ABCB1: variants seen among roughly 807,000 people sequenced by gnomAD.
ABCB1 encodes the protein ATP binding cassette subfamily B member 1, also known as ATP-dependent translocase ABCB1.
ABCB1 carries 69 observed loss-of-function variants against 142.0 expected under a neutral mutation model. The observed-to-expected ratio is 0.49, with a 90% CI of 0.40 to 0.59. ABCB1 has a LOEUF of 0.59. Among genes scored for constraint, ABCB1 ranks in the 20% least tolerant of loss-of-function variants. The pLI is 0.00. For synonymous variants in ABCB1, 532 were observed against 539.2 expected (o/e 0.99, Z 0.18); for missense variants, 1,326 against 1,554.7 (o/e 0.85, Z 2.47).
chr7:87,595,170 CT>C (rs1279484298), intron 3 of ABCB1, among the ~76,000 whole-genome samples: 1 of 152,108 alleles, frequency 6.6e-6, no homozygotes, highest in East Asian at 1.9e-4. Flanking sequence ...AAAAAAACCA[CT>C]GTGCAACCAG....
At position 87,693,695 on chromosome 7, in the gene ABCB1, T is replaced by A. The variant is rs575838428; in HGVS notation, c.-331+19466A>T. Among the ~76,000 whole-genome samples, 92 of 152,334 alleles carry A rather than the reference T, an allele frequency of 6.0e-4. 1 individual carries two copies. The highest frequency in any genetic ancestry group is 2.2e-3 in the African/African-American group (91 of 41,584). The stretch of plus-strand genomic sequence containing the variant: ...CTTACAGACACCTTAGCCTCTCCAA[T>A]ACAATAAGCTACAAGGAACTAGCTT... On this transcript the variant is annotated intron_variant, in intron 1 of 28. Coordinates refer to the ABCB1 transcript ENST00000265724.
intron 1 of ABCB1, chr7:87,710,733 A>G: frequency 1.4e-6 from 1 of 732,900 alleles, no homozygotes; most frequent in Non-Finnish European, 2.2e-6. Context: ...TAGGATGAAG[A>G]ATCAATTTCT....
At chr7:87,612,884 A>C (rs1819901578) in intron 1 of ABCB1, among the ~76,000 whole-genome samples, 2 of 151,944 alleles carry the variant, frequency 1.3e-5, no homozygotes, top group Non-Finnish European at 1.5e-5. Flanking sequence ...TGATTTTTCT[A>C]ATCTGTGAGC....
At chr7:87,620,285 G>A (rs1006529601) in intron 1 of ABCB1, among the ~76,000 whole-genome samples, 3 of 151,868 alleles carry the variant, frequency 2.0e-5, no homozygotes, top group Non-Finnish European at 4.4e-5. Flanking sequence ...TCACCCTCCT[G>A]AGTAGCTGGG....
rs1814691965 is a variant in ABCB1, at chr7:87,505,491, C to T, written c.3636+406G>A. 3.9e-5 allele frequency among the ~76,000 whole-genome samples: 6 copies of T among 152,190 alleles called. 1 individual carries two copies. The South Asian group carries it at 1.2e-3, about 32-fold the overall frequency. Reference sequence around the variant, plus strand: ...AATACCTCATACTGAGTTCGTCTTTCAGATAATCTGAATTTTTAACGTTTT... The same window carrying T: ...AATACCTCATACTGAGTTCGTCTTTTAGATAATCTGAATTTTTAACGTTTT... On this transcript the variant is annotated intron_variant, in intron 27 of 27. Transcript: ENST00000622132.
chr7:87,694,160 T>C lies in ABCB1; in HGVS notation c.-331+19001A>G, dbSNP rs577675130. The C allele has an allele frequency of 8.4e-4, 389 of 464,058 alleles. 1 individual carries two copies. The highest frequency in any genetic ancestry group is 5.3e-3 in the Middle Eastern group (5 of 950). The allele number at this position is 464,058 out of a possible 1,614,324, so 28.7% of individuals were successfully genotyped here. ...TTATGCTAATTTTAAAATTAAAATC[T>C]TGTAAATCCACACAATATAATAACC... On this transcript the variant is annotated intron_variant, in intron 1 of 28. Coordinates refer to the ABCB1 transcript ENST00000265724.
At chr7:87,589,792 AGAGAGAGAGAGAG>A (rs1243302190) in intron 3 of ABCB1, among the ~76,000 whole-genome samples, 2 of 142,778 alleles carry the variant, frequency 1.4e-5, no homozygotes, top group African/African-American at 2.8e-5. Context: ...AAAAAGAAAG[AGAGAGAGAGAGAG>A]GAGAGAGAGA....
chr7:87,557,746 GT>G (rs1398524154), intron 8 of ABCB1, among the ~76,000 whole-genome samples: 2 of 152,116 alleles, frequency 1.3e-5, no homozygotes, highest in African/African-American at 4.8e-5. Context: ...ATTTATCTAA[GT>G]TACAAATGTT....
Position 87,505,622 on chromosome 7 carries a change from A to G in ABCB1, c.3636+275T>C, listed in dbSNP as rs561515219. ...TTATGGTTGCTGAAGAGATGCTGCC[A>G]GTAGAAGTAGGAAATATGGTTCCTG... On this transcript the variant is annotated intron_variant, in intron 27 of 27. Coordinates refer to ENST00000622132, the MANE Select transcript of ABCB1 (RefSeq NM_001348946.2). Among the ~76,000 whole-genome samples the G allele has an allele frequency of 2.0e-5, 3 of 152,346 alleles. No homozygotes were observed. In the South Asian group the frequency reaches 6.2e-4, roughly 32 times the overall value.
At position 87,504,218 on chromosome 7, in the gene ABCB1, A is replaced by G. The variant is rs757863791; in HGVS notation, c.*25T>C. On this transcript the variant is annotated 3_prime_UTR_variant, in exon 28 of 28. Coordinates refer to ENST00000622132, the MANE Select transcript of ABCB1 (RefSeq NM_001348946.2). ...CATATCTAAACAAATATTAAAAAGT[A>G]TTTAACATCTCATACAGTCAGAGTT... is the stretch of plus-strand genomic sequence containing the variant. 6.2e-7 allele frequency: 1 copy of G among 1,613,434 alleles called. No homozygotes were observed. Among genetic ancestry groups the G allele is most frequent in the Non-Finnish European group, 8.5e-7 (1 of 1,179,470 alleles).
intron 21 of ABCB1, chr7:87,521,217 A>C (rs1280584587): frequency 2.8e-6 from 1 of 358,232 alleles, no homozygotes; most frequent in Admixed American, 4.3e-5. Context: ...TATGATGATC[A>C]CATTTTAAGT....
chr7:87,677,250 G>A (rs939969268), intron 1 of ABCB1, among the ~76,000 whole-genome samples: 25 of 139,158 alleles, frequency 1.8e-4, no homozygotes, highest in Admixed American at 3.0e-4. Flanking sequence ...ACAGAAGGAT[G>A]GATTAATAAA....
chr7:87,698,596 G>A (rs992746475), intron 1 of ABCB1, among the ~76,000 whole-genome samples: 1 of 152,040 alleles, frequency 6.6e-6, no homozygotes, highest in Non-Finnish European at 1.5e-5. Context: ...TTAAGTTTTT[G>A]TGTTCATTGC....
intron 1 of ABCB1, among the ~76,000 whole-genome samples, chr7:87,675,894 AAAGAT>A (rs1826305641): frequency 6.6e-6 from 1 of 152,150 alleles, no homozygotes; most frequent in Non-Finnish European, 1.5e-5. Context: ...GCAACAAAGA[AAAGAT>A]AAATAAGTGG....
At chr7:87,632,489 A>ATT (rs1821322778) in intron 1 of ABCB1, among the ~76,000 whole-genome samples, 1 of 152,130 alleles carries the variant, frequency 6.6e-6, no homozygotes, top group African/African-American at 2.4e-5. Context: ...TTTTTCACAG[A>ATT]TTTTGGTGAA....
At chr7:87,664,825 G>C (rs559235134) in intron 1 of ABCB1, among the ~76,000 whole-genome samples, 2 of 152,212 alleles carry the variant, frequency 1.3e-5, no homozygotes, top group South Asian at 4.1e-4. Flanking sequence ...CAAAATAATA[G>C]CTATAAGTTC....
In ABCB1 at chr7:87,515,247, G is replaced by C; in HGVS notation, c.3266C>G (p.Pro1089Arg). Residue 1089 changes from proline to arginine, a missense_variant, in exon 25 of 28, where the codon CCC becomes CGC. By Grantham distance (103) the Pro-to-Arg change is moderately radical. Transcript: ENST00000622132. Reference protein sequence around the residue: ...VVQLLERFYDPLAGKVLLDGK... With the variant: ...VVQLLERFYDRLAGKVLLDGK... Reference sequence around the variant, plus strand: ...TGTGCTCACCACTTTCCCTGCCAAGGGGTCGTAGAACCGCTCCAGGAGCTG... The same window carrying C: ...TGTGCTCACCACTTTCCCTGCCAAGCGGTCGTAGAACCGCTCCAGGAGCTG... 1.2e-6 allele frequency: 2 copies of C among 1,613,760 alleles called. No homozygotes were observed. Among genetic ancestry groups the C allele is most frequent in the East Asian group, 2.2e-5 (1 of 44,872 alleles).
Position 87,505,905 on chromosome 7 carries a change from T to C in ABCB1, c.3628A>G (p.Ser1210Gly), listed in dbSNP as rs1390471469. Residue 1210 changes from serine (S) to glycine (G), a missense_variant, in exon 27 of 28, where the codon AGT becomes GGT. Physicochemically the swap from Ser to Gly is moderately conservative, Grantham distance 56. Transcript: ENST00000622132. ...CCAATTTAAATTCTTACCTTTTCAC[T>C]TTCTGTATCCAGAGCTGACGTGGCT... is the stretch of plus-strand genomic sequence containing the variant. ...DEATSALDTE[S>G]EKVVQEALDK... The C allele has an allele frequency of 1.9e-6, 3 of 1,614,190 alleles. No individual in the cohort carries two copies. Among genetic ancestry groups the C allele is most frequent in the East Asian group, 2.2e-5 (1 of 44,880 alleles).
chr7:87,515,844 A>G (rs892004370), intron 24 of ABCB1, among the ~76,000 whole-genome samples: 2 of 151,830 alleles, frequency 1.3e-5, no homozygotes, highest in African/African-American at 4.8e-5. Context: ...TGATCCACCC[A>G]CCTTGGCCTC....
Sources: allele counts gnomAD v4.1 joint callset (sites outside exome capture counted in the v4.1 genomes callset), GRCh38; gene constraint gnomAD v4.1.1; transcripts MANE v1.5; gene names NCBI Gene and HGNC (gene_info 2026-07-23, HGNC 2026-07-21).